Variants in NF2 observed in about 807,000 individuals in gnomAD.
NF2 encodes merlin.
NF2 carries 8 observed loss-of-function variants against 83.7 expected under a neutral mutation model. That is an observed-to-expected ratio of 0.10 (90% CI 0.06 to 0.17). NF2 has a LOEUF of 0.17. Ranked by LOEUF, NF2 falls within the 10% of genes least tolerant of loss-of-function variation. The probability of loss-of-function intolerance (pLI) is 1.00; values close to 1 mark genes in which losing one functional copy is unlikely to be tolerated. For missense variants in NF2, 533 were observed against 744.4 expected, an observed-to-expected ratio of 0.72 and a Z score of 3.31; for synonymous variants, 266 against 269.6, an observed-to-expected ratio of 0.99 and a Z score of 0.13.
chr22:29,692,010 G>A (rs1050587923), intron 15 of NF2, among the ~76,000 whole-genome samples: 4 of 152,218 alleles, frequency 2.6e-5, no homozygotes, highest in East Asian at 1.9e-4. Context: ...TTCTGACTCC[G>A]GGGCTCCTGT....
intron 1 of NF2, among the ~76,000 whole-genome samples, chr22:29,622,211 A>G (rs9614014): frequency 0.24 from 36,066 of 152,176 alleles, 4,414 homozygotes; most frequent in Non-Finnish European, 0.29. Flanking sequence ...TACTATCTCA[A>G]AAGCATTTTG....
chr22:29,674,691 A>G (rs1473116543), intron 12 of NF2, 145 bp from the exon 13 acceptor site: 6 of 711,400 alleles, frequency 8.4e-6, no homozygotes, highest in Non-Finnish European at 1.3e-5. Flanking sequence ...TTTCATGTAA[A>G]TATCCCTGTC....
intron 14 of NF2, 91 bp from the exon 15 acceptor site, chr22:29,681,348 C>T (rs1317725480): frequency 4.6e-6 from 7 of 1,523,816 alleles, no homozygotes; most frequent in East Asian, 4.5e-5. Context: ...AACCCTAGAT[C>T]GCACACCAAG....
At chr22:29,680,389 C>T (rs2067095251) in intron 14 of NF2, among the ~76,000 whole-genome samples, 1 of 152,218 alleles carries the variant, frequency 6.6e-6, no homozygotes. Context: ...GGATTACAGG[C>T]GTGAGCCACC....
rs2067610417 is a variant in NF2 at position 29,698,285 on chromosome 22, T to C, written c.*3483T>C. ...GGTTTCTCTCTTTCCCTCTCTTTTT[T>C]TTGTCAAAAGCCCAGAGACTGACAA... On this transcript the variant is annotated 3_prime_UTR_variant, in exon 16 of 16. Transcript: ENST00000338641. The C allele has an allele frequency of 4.4e-6, 1 of 225,762 alleles. No individual in the cohort carries two copies. The highest frequency in any genetic ancestry group is 8.8e-6 in the Non-Finnish European group (1 of 113,428). The allele number at this position is 225,762 out of a possible 1,614,324, so 14.0% of individuals were successfully genotyped here.
At chr22:29,680,557 G>A (rs1216496451) in intron 14 of NF2, among the ~76,000 whole-genome samples, 2 of 152,170 alleles carry the variant, frequency 1.3e-5, no homozygotes, top group African/African-American at 4.8e-5. Flanking sequence ...TGGTTTTTCT[G>A]GCCATGCCTT....
chr22:29,650,736 G>A (rs1480109097), intron 4 of NF2, among the ~76,000 whole-genome samples: 5 of 151,414 alleles, frequency 3.3e-5, no homozygotes, highest in South Asian at 2.1e-4. Flanking sequence ...CAGAGGAGCC[G>A]GGACTATAGG....
intron 4 of NF2, among the ~76,000 whole-genome samples, chr22:29,652,590 A>G (rs111848848): frequency 2.0e-5 from 3 of 152,206 alleles, no homozygotes; most frequent in African/African-American, 4.8e-5. Context: ...GGTGTGAGCC[A>G]CCACGCCCAG....
chr22:29,683,345 TG>T, intron 15 of NF2: 1 of 1,393,442 alleles, frequency 7.2e-7, no homozygotes, highest in East Asian at 2.7e-5. Context: ...ATTGTTGGGC[TG>T]GGGAAGGTTA....
At position 29,636,038 on chromosome 22, in the gene NF2, C is replaced by T. The variant is rs2065638555; in HGVS notation, c.115-713C>T. On this transcript the variant is annotated intron_variant, in intron 1 of 15. Coordinates refer to ENST00000338641, the MANE Select transcript of NF2 (RefSeq NM_000268.4). The surrounding 1 kb of genome is among the most constrained non-coding windows in gnomAD (Gnocchi z 4.4). ...TGGAATAGCTGAGAAAAGAGATTGC[C>T]ATTGCTTCAGGTTCTTTTGAAAGTG... is the stretch of plus-strand genomic sequence containing the variant. Among the ~76,000 whole-genome samples, 1 of 152,186 alleles carries T rather than the reference C, an allele frequency of 6.6e-6. No individual in the cohort carries two copies. Among genetic ancestry groups the T allele is most frequent in the Non-Finnish European group, 1.5e-5 (1 of 68,044 alleles).
At chr22:29,689,430 C>T (rs780212294) in intron 15 of NF2, among the ~76,000 whole-genome samples, 2 of 152,038 alleles carry the variant, frequency 1.3e-5, no homozygotes, top group Non-Finnish European at 2.9e-5. Flanking sequence ...TACACCCTCC[C>T]CCGCTCCTTC....
intron 15 of NF2, among the ~76,000 whole-genome samples, chr22:29,682,775 C>A (rs367635462): frequency 6.6e-6 from 1 of 152,184 alleles, no homozygotes; most frequent in East Asian, 1.9e-4. Context: ...CCCTTACCCC[C>A]AGCCTTGTCA....
At chr22:29,657,576 A>G (rs1460887835) in intron 6 of NF2, among the ~76,000 whole-genome samples, 1 of 152,244 alleles carries the variant, frequency 6.6e-6, no homozygotes, top group East Asian at 1.9e-4. Context: ...GGAAGAGGAC[A>G]AGGTCATAGG....
intron 4 of NF2, among the ~76,000 whole-genome samples, chr22:29,644,747 C>T (rs908734791): frequency 6.6e-6 from 1 of 152,228 alleles, no homozygotes; most frequent in Non-Finnish European, 1.5e-5. Flanking sequence ...AGCGAAACCC[C>T]GTCTCCACCA....
At chr22:29,644,332 G>A (rs1238787945) in intron 4 of NF2, among the ~76,000 whole-genome samples, 13 of 151,690 alleles carry the variant, frequency 8.6e-5, no homozygotes, top group Non-Finnish European at 1.3e-4. Context: ...GGGCGGCCGG[G>A]CAGAGACGCT....
Position 29,695,631 on chromosome 22 carries a change from G to C in NF2, c.*829G>C. 1 of 234,222 alleles carries C rather than the reference G, an allele frequency of 4.3e-6. No homozygotes were observed. Among genetic ancestry groups the C allele is most frequent in the East Asian group, 6.0e-5 (1 of 16,718 alleles). The allele number at this position is 234,222 out of a possible 1,614,324, so 14.5% of individuals were successfully genotyped here. A position where few individuals can be genotyped will look rare whatever the true frequency, so the allele number is the denominator to read the frequency against. ...GACGCTCCTTCCTGTGTGGGGCTGG[G>C]GTACTCCCTGGTCGTACTGCAGTCA... On this transcript the variant is annotated 3_prime_UTR_variant, in exon 16 of 16. Transcript: ENST00000338641. The surrounding 1 kb of genome is among the most constrained non-coding windows in gnomAD (Gnocchi z 5.4).
At chr22:29,678,377 TG>T in intron 14 of NF2, 54 bp downstream of exon 14, 1 of 1,606,696 alleles carries the variant, frequency 6.2e-7, no homozygotes, top group Non-Finnish European at 8.5e-7. Flanking sequence ...ACTGAGTGAT[TG>T]GGGCCTTGGG....
In NF2 at chr22:29,655,674, C is replaced by T; in HGVS notation, c.597C>T (p.Ala199=). The T allele has an allele frequency of 1.2e-6, 2 of 1,610,702 alleles. No homozygotes were observed. The highest frequency in any genetic ancestry group is 2.2e-5 in the South Asian group (2 of 90,960). ...GGTACGCAGAGCACCGAGGCCGAGC[C>T]AGGTGAGGCCCATTCATTGTTGGTT... ...TAWYAEHRGR[A]RDEAEMEYLK... is the part of the protein sequence containing the mutation. Residue 199 remains alanine (A), a splice_region_variant and synonymous_variant, in exon 6 of 16, where the codon GCC becomes GCT. Coordinates refer to ENST00000338641, the MANE Select transcript of NF2 (RefSeq NM_000268.4).
At chr22:29,670,973 C>T (rs910515515) in intron 10 of NF2, among the ~76,000 whole-genome samples, 4 of 152,046 alleles carry the variant, frequency 2.6e-5, no homozygotes, top group East Asian at 1.9e-4. Context: ...TGATGCATCA[C>T]GTAGAATGAT....
Sources: allele counts gnomAD v4.1 joint callset (sites outside exome capture counted in the v4.1 genomes callset), GRCh38; gene constraint gnomAD v4.1.1; non-coding constraint Gnocchi (gnomAD v3.1); transcripts MANE v1.5; gene names NCBI Gene and HGNC (gene_info 2026-07-23, HGNC 2026-07-21).